SEMA5A: variants seen among roughly 807,000 people sequenced by gnomAD.
The protein encoded by SEMA5A is semaphorin 5A.
A neutral mutation model predicts 135.5 loss-of-function variants in SEMA5A; 55 were observed. The ratio of observed to expected loss-of-function variants is 0.41; its 90% CI spans 0.33 to 0.51. The LOEUF (loss-of-function observed/expected upper bound fraction) is 0.51. SEMA5A is among the 20% of genes least tolerant of loss of function. The pLI is 0.37. For synonymous variants in SEMA5A, 580 were observed against 546.5 expected, an observed-to-expected ratio of 1.06 and a Z score of -0.85; for missense variants, 1,290 against 1,419.9, an observed-to-expected ratio of 0.91 and a Z score of 1.47.
intron 4 of SEMA5A, among the ~76,000 whole-genome samples, chr5:9,334,978 C>A (rs1302943845): frequency 6.6e-6 from 1 of 152,110 alleles, no homozygotes; most frequent in Non-Finnish European, 1.5e-5. Flanking sequence ...TGGATGGAGA[C>A]CTCCAGGAAT....
chr5:9,170,937 C>G (rs1743885887), intron 11 of SEMA5A, among the ~76,000 whole-genome samples: 1 of 152,128 alleles, frequency 6.6e-6, no homozygotes. Flanking sequence ...CACTCTCCTC[C>G]TTCCTCGCCC....
intron 16 of SEMA5A, among the ~76,000 whole-genome samples, chr5:9,091,767 C>T (rs563755620): frequency 2.0e-5 from 3 of 152,234 alleles, no homozygotes; most frequent in Non-Finnish European, 4.4e-5. Context: ...GCCACTACCA[C>T]AATTCTAGGA....
chr5:9,511,137 A>G (rs1210788345), intron 1 of SEMA5A, among the ~76,000 whole-genome samples: 2 of 152,198 alleles, frequency 1.3e-5, no homozygotes, highest in African/African-American at 4.8e-5. Flanking sequence ...GAATTCATTT[A>G]CAATGAATCA....
At chr5:9,526,398 G>A (rs1579687461) in intron 1 of SEMA5A, among the ~76,000 whole-genome samples, 1 of 152,172 alleles carries the variant, frequency 6.6e-6, no homozygotes, top group Non-Finnish European at 1.5e-5. Context: ...ATATATAAGA[G>A]CTGTCACAGG....
intron 1 of SEMA5A, among the ~76,000 whole-genome samples, chr5:9,439,473 C>T (rs1258652785): frequency 6.6e-6 from 1 of 152,148 alleles, no homozygotes; most frequent in African/African-American, 2.4e-5. Flanking sequence ...CTGGTTACCG[C>T]CATGAATAGC....
intron 3 of SEMA5A, among the ~76,000 whole-genome samples, chr5:9,353,969 G>A (rs1174608605): frequency 7.2e-6 from 1 of 139,170 alleles, no homozygotes; most frequent in East Asian, 2.2e-4. Context: ...GAAAAAGCAC[G>A]TGTTAAAAAA....
intron 3 of SEMA5A, among the ~76,000 whole-genome samples, chr5:9,344,019 C>T (rs1033980286): frequency 8.5e-5 from 13 of 152,124 alleles, no homozygotes; most frequent in Non-Finnish European, 1.3e-4. Context: ...ATGCAAAACA[C>T]GTCATAAGGG....
chr5:9,312,187 A>G (rs1752169628), intron 5 of SEMA5A, among the ~76,000 whole-genome samples: 1 of 152,086 alleles, frequency 6.6e-6, no homozygotes, highest in African/African-American at 2.4e-5. Context: ...TTATAAAATA[A>G]TCTCCATGAT....
chr5:9,476,114 G>A (rs1253841962), intron 1 of SEMA5A, among the ~76,000 whole-genome samples: 1 of 152,114 alleles, frequency 6.6e-6, no homozygotes. Context: ...ATCATTCTAT[G>A]TAAAGGCCGT....
At chr5:9,395,644 T>C (rs1756359383) in intron 2 of SEMA5A, among the ~76,000 whole-genome samples, 3 of 152,246 alleles carry the variant, frequency 2.0e-5, no homozygotes. Context: ...TTGGCCATAC[T>C]GCATTTTGGT....
chr5:9,106,305 A>G (rs1739913262), intron 16 of SEMA5A, among the ~76,000 whole-genome samples: 1 of 152,250 alleles, frequency 6.6e-6, no homozygotes, highest in Admixed American at 6.5e-5. Context: ...TAAAGCAATA[A>G]ATACATTGAT....
At chr5:9,245,517 C>T (rs3822782) in intron 5 of SEMA5A, among the ~76,000 whole-genome samples, 56,412 of 151,794 alleles carry the variant, frequency 0.37, 10,861 homozygotes, top group East Asian at 0.46. Context: ...TGGTTGCCTG[C>T]TTTTGAAAAA....
At chr5:9,471,262 C>T (rs1190085121) in intron 1 of SEMA5A, among the ~76,000 whole-genome samples, 1 of 152,150 alleles carries the variant, frequency 6.6e-6, no homozygotes, top group East Asian at 1.9e-4. Flanking sequence ...CATGTTGGGG[C>T]TGATGTCTCA....
chr5:9,428,892 G>A (rs913970758), intron 2 of SEMA5A, among the ~76,000 whole-genome samples: 8 of 152,084 alleles, frequency 5.3e-5, no homozygotes, highest in African/African-American at 1.2e-4. Context: ...TAACATATAC[G>A]TATTCAGTGC....
chr5:9,387,484 G>A (rs1458347888), intron 2 of SEMA5A, among the ~76,000 whole-genome samples: 1 of 152,220 alleles, frequency 6.6e-6, no homozygotes, highest in African/African-American at 2.4e-5. Context: ...AAAGTCGTCA[G>A]AAACAAAGAA....
chr5:9,438,793 T>A (rs3822795), intron 1 of SEMA5A, among the ~76,000 whole-genome samples: 1 of 152,080 alleles, frequency 6.6e-6, no homozygotes. Context: ...CAGAACATTC[T>A]GGCTGTCCCT....
chr5:9,455,100 C>T (rs888625592), intron 1 of SEMA5A, among the ~76,000 whole-genome samples: 9 of 152,098 alleles, frequency 5.9e-5, no homozygotes, highest in African/African-American at 2.2e-4. Context: ...GATTCAGGTA[C>T]CAGAATTTTC....
intron 1 of SEMA5A, among the ~76,000 whole-genome samples, chr5:9,536,212 C>T (rs982486584): frequency 6.6e-6 from 1 of 151,944 alleles, no homozygotes; most frequent in African/African-American, 2.4e-5. Flanking sequence ...TTTGGTTTAG[C>T]AGAGAAATTA....
chr5:9,407,649 G>A (rs1756938667), intron 2 of SEMA5A, among the ~76,000 whole-genome samples: 1 of 152,208 alleles, frequency 6.6e-6, no homozygotes, highest in Non-Finnish European at 1.5e-5. Flanking sequence ...ACCTGTGGAA[G>A]AGGGGCTATA....
Sources: gnomAD v4.1 joint callset for allele counts (sites outside exome capture counted in the v4.1 genomes callset) on GRCh38, gnomAD v4.1.1 for gene constraint, MANE v1.5 for transcripts, NCBI Gene and HGNC (gene_info 2026-07-23, HGNC 2026-07-21) for gene names.